Variants in PLCG2 observed in about 807,000 individuals in gnomAD.
The protein encoded by PLCG2 is phospholipase C gamma 2.
In PLCG2, 69 loss-of-function variants were observed where a neutral mutation model predicts 175.6. The observed-to-expected ratio is 0.39, with a 90% CI of 0.32 to 0.48. The LOEUF (loss-of-function observed/expected upper bound fraction) is 0.48. Among genes scored for constraint, PLCG2 ranks in the 20% least tolerant of loss-of-function variants. The probability of loss-of-function intolerance (pLI) is 0.91; values close to 1 mark genes in which losing one functional copy is unlikely to be tolerated. For missense variants in PLCG2, 1,798 were observed against 1,650.9 expected (o/e 1.09, Z -1.54); for synonymous variants, 827 against 624.0 (o/e 1.33, Z -4.85).
rs544855351 is a variant in PLCG2, at chr16:81,960,173, T to A, written c.*2175T>A. On this transcript the variant is annotated 3_prime_UTR_variant, in exon 33 of 33. Transcript: ENST00000564138. ...TACTTTCTTCGGTTCTTTCCTCCTG[T>A]CCTTGACAGAGTAACACGTTAATCT... 9.1e-6 allele frequency: 2 copies of A among 220,728 alleles called. No homozygotes were observed. Among genetic ancestry groups the A allele is most frequent in the Admixed American group, 1.2e-4 (2 of 17,356 alleles). 13.7% of individuals were successfully genotyped at this position (220,728 alleles called of 1,614,324 possible).
At chr16:81,820,245 T>C (rs375093569) in intron 2 of PLCG2, among the ~76,000 whole-genome samples, 1 of 152,176 alleles carries the variant, frequency 6.6e-6, no homozygotes, top group South Asian at 2.1e-4. Context: ...ACCACCCTAA[T>C]TGAGACACAG....
Position 81,912,692 on chromosome 16 carries a change from G to C in PLCG2, c.2030G>C (p.Ser677Thr), listed in dbSNP as rs754251415. The C allele has an allele frequency of 6.2e-7, 1 of 1,610,688 alleles. No individual in the cohort carries two copies. The highest frequency in any genetic ancestry group is 1.3e-5 in the African/African-American group (1 of 74,926). ...GAFLIRKREGSDSYAITFRAR... is the reference protein window; with the variant it reads ...GAFLIRKREGTDSYAITFRAR... ...TTCCTGATCCGGAAGCGAGAGGGGA[G>C]CGACTCCTATGCCATCACCTTCAGG... The change falls in exon 19 of 33, where the codon AGC becomes ACC. Residue 677 changes from serine (S) to threonine (T), a missense_variant. Physicochemically the swap from Ser to Thr is moderately conservative, Grantham distance 58 (BLOSUM62 1). Transcript: ENST00000564138.
intron 8 of PLCG2, among the ~76,000 whole-genome samples, 168 bp from the exon 9 acceptor site, chr16:81,883,101 C>G (rs568821743): frequency 6.6e-6 from 1 of 152,140 alleles, no homozygotes; most frequent in Non-Finnish European, 1.5e-5. Flanking sequence ...AGGTGAGGGA[C>G]ATTGTGTCAC....
intron 1 of PLCG2, among the ~76,000 whole-genome samples, chr16:81,754,033 C>G (rs746511116): frequency 6.6e-6 from 1 of 152,108 alleles, no homozygotes; most frequent in Non-Finnish European, 1.5e-5. Context: ...AGGCCCACCC[C>G]CGGGGAGAAG....
At chr16:81,950,084 A>G (rs1167514740) in intron 31 of PLCG2, among the ~76,000 whole-genome samples, 1 of 152,226 alleles carries the variant, frequency 6.6e-6, no homozygotes, top group South Asian at 2.1e-4. Flanking sequence ...GTAAAGAATC[A>G]GAATAAGTTA....
At chr16:81,812,483 C>G (rs1413071694) in intron 2 of PLCG2, among the ~76,000 whole-genome samples, 2 of 152,184 alleles carry the variant, frequency 1.3e-5, no homozygotes, top group Non-Finnish European at 2.9e-5. Flanking sequence ...GCATAAATGT[C>G]TTCTTTTGAG....
chr16:81,816,073 A>C (rs1904532896), intron 2 of PLCG2, among the ~76,000 whole-genome samples: 1 of 146,102 alleles, frequency 6.8e-6, no homozygotes, highest in Non-Finnish European at 1.5e-5. Context: ...AAAAAAAAAA[A>C]AAAATGTGCC....
intron 13 of PLCG2, among the ~76,000 whole-genome samples, chr16:81,899,289 T>TATACACACACACAC (rs908648451): frequency 2.2e-5 from 2 of 92,468 alleles, no homozygotes; most frequent in African/African-American, 7.5e-5. Context: ...TATATATATA[T>TATACACACACACAC]ACACACACAC....
At chr16:81,953,921 C>G (rs1014482135) in intron 31 of PLCG2, among the ~76,000 whole-genome samples, 2 of 152,094 alleles carry the variant, frequency 1.3e-5, no homozygotes, top group African/African-American at 4.8e-5. Context: ...ATAACAAATA[C>G]CCATTATATA....
intron 2 of PLCG2, among the ~76,000 whole-genome samples, chr16:81,802,663 C>A (rs922800638): frequency 2.0e-5 from 3 of 151,324 alleles, no homozygotes; most frequent in Admixed American, 1.3e-4. Context: ...CCTCTGCCTC[C>A]CAGGTTCAAG....
chr16:81,856,124 T>G (rs1906669830), intron 3 of PLCG2, among the ~76,000 whole-genome samples: 1 of 152,194 alleles, frequency 6.6e-6, no homozygotes, highest in South Asian at 2.1e-4. Context: ...AGATTTTGAT[T>G]CACATTCCAT....
intron 2 of PLCG2, among the ~76,000 whole-genome samples, chr16:81,772,182 C>T (rs766256882): frequency 2.0e-5 from 3 of 152,034 alleles, no homozygotes; most frequent in Non-Finnish European, 4.4e-5. Context: ...GGTGTTCTTA[C>T]CAGAGAAAGG....
chr16:81,814,386 G>T (rs940614375), intron 2 of PLCG2, among the ~76,000 whole-genome samples: 1 of 152,068 alleles, frequency 6.6e-6, no homozygotes, highest in African/African-American at 2.4e-5. Context: ...GTGTAGCCGG[G>T]ATTGGATTGA....
chr16:81,743,747 G>C (rs1252889409), intron 1 of PLCG2, among the ~76,000 whole-genome samples: 2 of 152,336 alleles, frequency 1.3e-5, no homozygotes, highest in East Asian at 3.9e-4. Context: ...GGGAGGGAGA[G>C]TGGCGAGATG....
At chr16:81,795,592 T>C (rs940924926) in intron 2 of PLCG2, among the ~76,000 whole-genome samples, 1 of 152,190 alleles carries the variant, frequency 6.6e-6, no homozygotes, top group African/African-American at 2.4e-5. Flanking sequence ...GCAGGATCCT[T>C]TGTGTGACCA....
intron 11 of PLCG2, among the ~76,000 whole-genome samples, chr16:81,893,043 T>G (rs1315881715): frequency 6.6e-6 from 1 of 152,084 alleles, no homozygotes; most frequent in Non-Finnish European, 1.5e-5. Context: ...GTATTTTTAG[T>G]AGAGACAGAA....
upstream of PLCG2, among the ~76,000 whole-genome samples, chr16:81,778,608 C>T (rs1910565736): frequency 1.3e-5 from 2 of 152,152 alleles, no homozygotes; most frequent in South Asian, 4.1e-4. Flanking sequence ...GTCTGGGGTT[C>T]TTTGCTCCTG....
At chr16:81,885,640 A>G (rs200398920) in intron 9 of PLCG2, among the ~76,000 whole-genome samples, 2 of 151,452 alleles carry the variant, frequency 1.3e-5, no homozygotes, top group Non-Finnish European at 2.9e-5. Context: ...TTTTTAAAAT[A>G]TAGCCATAAC....
chr16:81,910,888 A>C (rs139686191), intron 18 of PLCG2, among the ~76,000 whole-genome samples, 168 bp downstream of exon 18: 1 of 152,364 alleles, frequency 6.6e-6, no homozygotes, highest in East Asian at 1.9e-4. Flanking sequence ...TCCTGGCACC[A>C]TGACCTGTGT....
Sources: allele counts gnomAD v4.1 joint callset (sites outside exome capture counted in the v4.1 genomes callset), GRCh38; gene constraint gnomAD v4.1.1; transcripts MANE v1.5; gene names NCBI Gene and HGNC (gene_info 2026-07-23, HGNC 2026-07-21).